Variants in SLC43A2 observed in about 807,000 individuals in gnomAD.
SLC43A2 encodes the protein large neutral amino acids transporter small subunit 4.
In SLC43A2, 38 loss-of-function variants were observed where a neutral mutation model predicts 63.2. The observed-to-expected ratio is 0.60, with a 90% confidence interval of 0.46 to 0.79. SLC43A2 has a LOEUF of 0.79. SLC43A2 is among the 30% of genes least tolerant of loss of function. The pLI is 0.00. For missense variants in SLC43A2, 644 were observed against 756.2 expected (o/e 0.85, Z 1.74); for synonymous variants, 322 against 331.0 (o/e 0.97, Z 0.30).
chr17:1,581,899 G>A (rs563831707), intron 11 of SLC43A2, among the ~76,000 whole-genome samples: 17 of 145,232 alleles, frequency 1.2e-4, no homozygotes, highest in East Asian at 8.6e-4. Flanking sequence ...TCTGCCACCC[G>A]GATTCAAGCA....
Position 1,583,091 on chromosome 17 carries a change from A to G in SLC43A2, c.1350+113T>C, listed in dbSNP as rs2076045349. On this transcript the variant is annotated intron_variant, in intron 11 of 13. Transcript: ENST00000301335. The surrounding 1 kb of genome is among the most constrained non-coding windows in gnomAD (Gnocchi z 5.5). ...TTGACTCTGTCTCAAAAAAATAAAG[A>G]AAGTCATCCGCTTTGTTGATGGCTT... is the stretch of plus-strand genomic sequence containing the variant. The G allele has an allele frequency of 2.5e-6, 3 of 1,192,360 alleles. No homozygotes were observed. Among genetic ancestry groups the G allele is most frequent in the African/African-American group, 3.1e-5 (2 of 65,206 alleles). 73.9% of individuals were successfully genotyped at this position (1,192,360 alleles called of 1,614,324 possible). A position where few individuals can be genotyped will look rare whatever the true frequency, so the allele number is the denominator to read the frequency against.
rs2076094926 is a variant in SLC43A2, at chr17:1,585,935, G to T, written c.1195C>A (p.Pro399Thr). The T allele has an allele frequency of 6.2e-7, 1 of 1,613,714 alleles. No individual in the cohort carries two copies. Among genetic ancestry groups the T allele is most frequent in the East Asian group, 2.2e-5 (1 of 44,888 alleles). ...LKECEDASEE[P>T]EEKDANQGEK... ...CACTGGTTGGCGTCTTTCTCCTCGG[G>T]CTCCTCGGAGGCGTCTTCACACTCC... The change falls in exon 10 of 14, where the codon CCC (proline) becomes ACC (threonine). Residue 399 changes from proline (P) to threonine (T), a missense_variant. Pro to Thr is a conservative substitution (Grantham distance 38, BLOSUM62 -1). Coordinates refer to ENST00000301335, the MANE Select transcript of SLC43A2 (RefSeq NM_152346.3).
chr17:1,604,866 G>C (rs758408433), intron 5 of SLC43A2: 24 of 1,535,450 alleles, frequency 1.6e-5, no homozygotes, highest in Non-Finnish European at 2.0e-5. Flanking sequence ...TCCCCCTCTC[G>C]CTCACTCCGT....
chr17:1,615,046 C>T lies in SLC43A2; in HGVS notation c.369-12G>A. ...CCGCGAAGCAGGCGCTAAAACCAAG[C>T]AGAAACGCAATGTTATTTACCATTA... On this transcript the variant is annotated splice_polypyrimidine_tract_variant and intron_variant, in intron 3 of 13. Coordinates refer to ENST00000301335, the MANE Select transcript of SLC43A2 (RefSeq NM_152346.3). 1 of 1,613,830 alleles carries T rather than the reference C, an allele frequency of 6.2e-7. No homozygotes were observed. Among genetic ancestry groups the T allele is most frequent in the Non-Finnish European group, 8.5e-7 (1 of 1,179,884 alleles).
At chr17:1,589,474 G>A (rs187165806) in intron 9 of SLC43A2, among the ~76,000 whole-genome samples, 10 of 152,154 alleles carry the variant, frequency 6.6e-5, no homozygotes, top group South Asian at 2.1e-4. Context: ...GTGTGGTGGC[G>A]CGCACCTGGG....
intron 5 of SLC43A2, chr17:1,604,808 C>T (rs1170625448): frequency 2.0e-6 from 3 of 1,535,662 alleles, no homozygotes; most frequent in Non-Finnish European, 2.6e-6. Context: ...CTTGCATTTG[C>T]CTGTGGACTC....
chr17:1,585,526 A>G (rs529178853), intron 10 of SLC43A2: 11 of 501,142 alleles, frequency 2.2e-5, no homozygotes, highest in South Asian at 3.9e-5. Flanking sequence ...TATTATAGGC[A>G]TGAACCACCC....
chr17:1,589,622 T>C (rs760981847), intron 9 of SLC43A2, among the ~76,000 whole-genome samples: 1 of 152,080 alleles, frequency 6.6e-6, no homozygotes, highest in African/African-American at 2.4e-5. Context: ...GTTCCACAGA[T>C]ATTTTTTTTT....
At position 1,606,630 on chromosome 17, in the gene SLC43A2, C is replaced by T. The variant is rs550026671; in HGVS notation, c.501+6565G>A. Among the ~76,000 whole-genome samples, 12 of 152,320 alleles carry T rather than the reference C, an allele frequency of 7.9e-5. No individual in the cohort carries two copies. The South Asian group carries it at 1.4e-3, about 18-fold the overall frequency. On this transcript the variant is annotated intron_variant, in intron 5 of 13. Coordinates refer to ENST00000301335, the MANE Select transcript of SLC43A2 (RefSeq NM_152346.3). This position sits in a 1 kb window ranked among gnomAD's most constrained non-coding sequence, Gnocchi z 4.7. ...GACCCCAAGATGCGGCCTCAGCCGCCGGCCGTGTTTGTGCTCCAGCCGATG... is the reference window on the plus strand; with the variant it reads ...GACCCCAAGATGCGGCCTCAGCCGCTGGCCGTGTTTGTGCTCCAGCCGATG...
intron 1 of SLC43A2, chr17:1,628,299 G>A (rs1369827683): frequency 1.9e-5 from 3 of 158,874 alleles, no homozygotes; most frequent in African/African-American, 4.8e-5. Context: ...GCGTGAGGTG[G>A]GCAGGGGCAG....
At chr17:1,591,735 G>GTGA in intron 6 of SLC43A2, 36 bp from the exon 7 acceptor site, 1 of 652,926 alleles carries the variant, frequency 1.5e-6, no homozygotes, top group Admixed American at 2.5e-5. Flanking sequence ...GGGGGGGGGA[G>GTGA]GGGGCAGAGT....
chr17:1,603,110 T>C (rs1207059310), intron 5 of SLC43A2: 1 of 152,104 alleles, frequency 6.6e-6, no homozygotes, highest in East Asian at 1.9e-4. Context: ...GTTACTATTA[T>C]GATATGTGTT....
intron 5 of SLC43A2, among the ~76,000 whole-genome samples, chr17:1,604,215 A>T (rs1567634739): frequency 6.7e-6 from 1 of 149,352 alleles, no homozygotes; most frequent in African/African-American, 2.5e-5. Flanking sequence ...TGCCCAGCTA[A>T]TTTTTTTTTT....
chr17:1,617,270 C>A (rs1048006181), intron 2 of SLC43A2, among the ~76,000 whole-genome samples: 5 of 152,246 alleles, frequency 3.3e-5, no homozygotes, highest in African/African-American at 1.2e-4. Context: ...AAGCACTGGT[C>A]TCACCCCAAT....
intron 2 of SLC43A2, among the ~76,000 whole-genome samples, chr17:1,620,563 TGCCGATGGG>T (rs1427315396): frequency 6.6e-6 from 1 of 152,124 alleles, no homozygotes; most frequent in Non-Finnish European, 1.5e-5. Context: ...AACAAATCCC[TGCCGATGGG>T]GCCACCAGGC....
chr17:1,626,573 G>A (rs1243896985), intron 2 of SLC43A2, among the ~76,000 whole-genome samples: 2 of 152,126 alleles, frequency 1.3e-5, no homozygotes, highest in Non-Finnish European at 2.9e-5. Context: ...TCCCTCCCTA[G>A]AGACTGGGAC....
At chr17:1,585,892 G>A (rs970552139) in intron 10 of SLC43A2, 21 bp downstream of exon 10, 3 of 1,613,372 alleles carry the variant, frequency 1.9e-6, no homozygotes, top group East Asian at 2.2e-5. Context: ...GGGAGCCGGG[G>A]CACCGGCCCT....
intron 5 of SLC43A2, among the ~76,000 whole-genome samples, chr17:1,612,953 C>T (rs1907260557): frequency 6.7e-6 from 1 of 149,596 alleles, no homozygotes; most frequent in South Asian, 2.1e-4. Context: ...GCCTGGGCGA[C>T]AGAGCAAGAC....
At chr17:1,599,267 G>A (rs1256734202) in intron 5 of SLC43A2, among the ~76,000 whole-genome samples, 1 of 151,912 alleles carries the variant, frequency 6.6e-6, no homozygotes, top group Non-Finnish European at 1.5e-5. Flanking sequence ...TTGAACCCAG[G>A]GGGCAGAGGT....
Sources: gnomAD v4.1 joint callset for allele counts (sites outside exome capture counted in the v4.1 genomes callset) on GRCh38, gnomAD v4.1.1 for gene constraint, Gnocchi (gnomAD v3.1) non-coding constraint, MANE v1.5 for transcripts, NCBI Gene and HGNC (gene_info 2026-07-23, HGNC 2026-07-21) for gene names.